The following BCKDHB variants were observed in gnomAD, a reference collection of about 807,000 sequenced individuals.
The protein encoded by BCKDHB is branched chain keto acid dehydrogenase E1 subunit beta.
A neutral mutation model predicts 48.5 loss-of-function variants in BCKDHB; 41 were observed. The ratio of observed to expected loss-of-function variants is 0.85; its 90% CI spans 0.66 to 1.10. The LOEUF (loss-of-function observed/expected upper bound fraction) is 1.10, where lower values mean the gene tolerates loss of function less well. Among genes scored for constraint, BCKDHB ranks in the 50% least tolerant of loss-of-function variants. The pLI, the probability that BCKDHB is intolerant of heterozygous loss-of-function variation, is 0.00. For missense variants in BCKDHB, 496 were observed against 494.2 expected (o/e 1.00, Z -0.03); for synonymous variants, 201 against 174.8 (o/e 1.15, Z -1.18).
rs145367037 is a variant in BCKDHB at position 80,203,994 on chromosome 6, A to G, written c.951+782A>G. On this transcript the variant is annotated intron_variant, in intron 8 of 9. Coordinates refer to ENST00000320393, the MANE Select transcript of BCKDHB (RefSeq NM_183050.4). ...AATTATATGTACCTAGTCTTAATAG[A>G]TAAGTACAATAGATATATGTACGAT... 1.7e-3 allele frequency among the ~76,000 whole-genome samples: 260 copies of G among 152,270 alleles called. 1 individual carries two copies. Among genetic ancestry groups the G allele is most frequent in the African/African-American group, 6.0e-3 (250 of 41,592 alleles).
intron 8 of BCKDHB, among the ~76,000 whole-genome samples, chr6:80,247,066 G>C (rs1171577334): frequency 2.0e-5 from 3 of 152,156 alleles, no homozygotes; most frequent in African/African-American, 7.2e-5. Context: ...TTTCATATAA[G>C]CTCTCAATTC....
intron 6 of BCKDHB, among the ~76,000 whole-genome samples, chr6:80,189,237 C>T (rs1773786065): frequency 6.6e-6 from 1 of 151,938 alleles, no homozygotes; most frequent in Admixed American, 6.6e-5. Flanking sequence ...TTATATATAC[C>T]TTTAATTTTT....
At chr6:80,271,748 G>C (rs1011652723) in intron 8 of BCKDHB, among the ~76,000 whole-genome samples, 7 of 151,828 alleles carry the variant, frequency 4.6e-5, no homozygotes, top group Non-Finnish European at 8.8e-5. Flanking sequence ...CTGATTCGGA[G>C]GTTGCAGTGA....
chr6:80,396,872 C>T, the BCKDHB span, among the ~76,000 whole-genome samples: 1 of 152,266 alleles, frequency 6.6e-6, no homozygotes, highest in East Asian at 1.9e-4. Flanking sequence ...CATTTTAAAT[C>T]ACCCCGTCTT....
Position 80,134,022 on chromosome 6 carries a change from TGAGA to T in BCKDHB, c.343+4802_343+4805del, listed in dbSNP as rs138749438. Among the ~76,000 whole-genome samples the T allele has an allele frequency of 2.0e-5, 3 of 152,046 alleles. No individual in the cohort carries two copies. The East Asian group carries it at 5.8e-4, about 29-fold the overall frequency. ...AAAATCCATTCGTATTGTCATTCTC[TGAGA>T]GAGAGAGAAAGAGAAAGAGTGTATG... On this transcript the variant is annotated intron_variant, in intron 3 of 9. Coordinates refer to ENST00000320393, the MANE Select transcript of BCKDHB (RefSeq NM_183050.4).
At chr6:80,171,769 A>G (rs1180078424) in intron 6 of BCKDHB, among the ~76,000 whole-genome samples, 2 of 152,120 alleles carry the variant, frequency 1.3e-5, no homozygotes, top group Non-Finnish European at 2.9e-5. Flanking sequence ...CATTTAAATC[A>G]GGATACCTTT....
chr6:80,321,678 C>A (rs1768730430), intron 9 of BCKDHB, among the ~76,000 whole-genome samples: 1 of 152,046 alleles, frequency 6.6e-6, no homozygotes, highest in African/African-American at 2.4e-5. Context: ...TTTTTAAATC[C>A]CTTAAATGAA....
At chr6:80,437,985 C>T in the BCKDHB span, among the ~76,000 whole-genome samples, 52 of 152,126 alleles carry the variant, frequency 3.4e-4, no homozygotes, top group Non-Finnish European at 2.9e-4. Flanking sequence ...CTGTGTATCT[C>T]GCAGATGTAT....
At chr6:80,236,743 A>G (rs370309694) in intron 8 of BCKDHB, among the ~76,000 whole-genome samples, 15 of 152,176 alleles carry the variant, frequency 9.9e-5, no homozygotes, top group East Asian at 3.8e-4. Context: ...CCAATATTCT[A>G]TGCAGCCTCA....
the BCKDHB span, among the ~76,000 whole-genome samples, chr6:80,417,210 T>A: frequency 6.6e-6 from 1 of 152,214 alleles, no homozygotes; most frequent in East Asian, 1.9e-4. Context: ...TAGATTTTTC[T>A]CTATCTGTTT....
At chr6:80,390,955 G>A in the BCKDHB span, among the ~76,000 whole-genome samples, 1 of 152,060 alleles carries the variant, frequency 6.6e-6, no homozygotes, top group Non-Finnish European at 1.5e-5. Flanking sequence ...GCAGAAAAAC[G>A]TGAAAAGGAG....
intron 8 of BCKDHB, among the ~76,000 whole-genome samples, chr6:80,206,299 CA>C (rs201170153): frequency 8.7e-5 from 2 of 22,962 alleles, no homozygotes; most frequent in Non-Finnish European, 1.5e-4. Flanking sequence ...GCAGCAGAGC[CA>C]AGGAGTCAAT....
intron 9 of BCKDHB, among the ~76,000 whole-genome samples, chr6:80,334,457 C>A (rs562869458): frequency 2.9e-4 from 44 of 151,974 alleles, no homozygotes; most frequent in Admixed American, 2.2e-3. Context: ...TAACAAATTT[C>A]TGATTACATT....
intron 8 of BCKDHB, among the ~76,000 whole-genome samples, chr6:80,221,911 A>G (rs1485685632): frequency 6.6e-6 from 1 of 152,192 alleles, no homozygotes; most frequent in Non-Finnish European, 1.5e-5. Context: ...GCTTCCTAAA[A>G]CAGTGTATCC....
At chr6:80,314,688 A>T (rs977386490) in intron 9 of BCKDHB, among the ~76,000 whole-genome samples, 25 of 152,164 alleles carry the variant, frequency 1.6e-4, no homozygotes, top group African/African-American at 5.6e-4. Context: ...CGCAGGCTGG[A>T]ACCGCTGAGT....
chr6:80,175,204 G>A (rs1186466935), intron 6 of BCKDHB, among the ~76,000 whole-genome samples: 2 of 152,092 alleles, frequency 1.3e-5, no homozygotes, highest in African/African-American at 2.4e-5. Context: ...CTACCAGGAA[G>A]GGAGGAGGAG....
At chr6:80,198,272 A>C (rs906858808) in intron 6 of BCKDHB, among the ~76,000 whole-genome samples, 2 of 152,162 alleles carry the variant, frequency 1.3e-5, no homozygotes, top group Non-Finnish European at 2.9e-5. Context: ...CCCACCCCTC[A>C]TTTAGACAGT....
intron 3 of BCKDHB, among the ~76,000 whole-genome samples, chr6:80,144,529 G>A (rs1469215899): frequency 2.0e-5 from 3 of 152,072 alleles, no homozygotes; most frequent in Non-Finnish European, 4.4e-5. Flanking sequence ...AAGGTGAATC[G>A]GGAGGGGAAC....
downstream of BCKDHB, among the ~76,000 whole-genome samples, chr6:80,349,815 A>G (rs570981253): frequency 8.5e-5 from 13 of 152,304 alleles, no homozygotes; most frequent in South Asian, 4.1e-4. Flanking sequence ...TATGGAGAGA[A>G]CAGTTGTAGA....
Sources: gnomAD v4.1 joint callset for allele counts (sites outside exome capture counted in the v4.1 genomes callset) on GRCh38, gnomAD v4.1.1 for gene constraint, MANE v1.5 for transcripts, NCBI Gene and HGNC (gene_info 2026-07-23, HGNC 2026-07-21) for gene names.